CSTA: variants seen among roughly 807,000 people sequenced by gnomAD.
CSTA encodes the protein cystatin-A.
CSTA carries 9 observed loss-of-function variants against 9.2 expected under a neutral mutation model. The ratio of observed to expected loss-of-function variants is 0.97; its 90% CI spans 0.59 to 1.70. The LOEUF (loss-of-function observed/expected upper bound fraction) is 1.70, where lower values mean the gene tolerates loss of function less well. Ranked by LOEUF, CSTA falls within the 40% of genes most tolerant of loss-of-function variation. The pLI is 0.00. For synonymous variants in CSTA, 36 were observed against 40.6 expected (o/e 0.89, Z 0.43); for missense variants, 118 against 113.1 (o/e 1.04, Z -0.20).
chr3:122,341,408 T>G, intron 2 of CSTA, 31 bp from the exon 3 acceptor site: 1 of 1,612,520 alleles, frequency 6.2e-7, no homozygotes, highest in Non-Finnish European at 8.5e-7. Context: ...ATGAATCTCC[T>G]TTTGCTTTCT....
chr3:122,335,291 A>T (rs2107667591), intron 1 of CSTA, among the ~76,000 whole-genome samples: 1 of 152,092 alleles, frequency 6.6e-6, no homozygotes, highest in African/African-American at 2.4e-5. Flanking sequence ...GTTCCTTTAC[A>T]CAGCAAAAGA....
At chr3:122,340,685 T>G (rs2075261040) in intron 2 of CSTA, among the ~76,000 whole-genome samples, 1 of 152,226 alleles carries the variant, frequency 6.6e-6, no homozygotes, top group East Asian at 1.9e-4. Context: ...AAGTAGGTTC[T>G]GATATAGGTA....
chr3:122,337,464 G>A, intron 1 of CSTA, 83 bp from the exon 2 acceptor site: 1 of 883,780 alleles, frequency 1.1e-6, no homozygotes, highest in Non-Finnish European at 1.9e-6. Context: ...ACTTTTAGGA[G>A]GATGAGGTTC....
intron 2 of CSTA, among the ~76,000 whole-genome samples, chr3:122,339,520 G>A (rs763170855): frequency 2.0e-5 from 3 of 152,196 alleles, no homozygotes; most frequent in Non-Finnish European, 2.9e-5. Context: ...ACTACTGGCT[G>A]TGCTGCCTCT....
chr3:122,340,232 G>C (rs1474534271), intron 2 of CSTA, among the ~76,000 whole-genome samples: 2 of 152,012 alleles, frequency 1.3e-5, no homozygotes, highest in Non-Finnish European at 2.9e-5. Flanking sequence ...CCAGGTCTCA[G>C]ATTCATGTCC....
chr3:122,326,523 C>T (rs563126653), intron 1 of CSTA, among the ~76,000 whole-genome samples: 74 of 152,228 alleles, frequency 4.9e-4, no homozygotes, highest in African/African-American at 1.7e-3. Context: ...AAAACAAGAT[C>T]AGCTTTTTGT....
At chr3:122,331,370 C>G (rs536042414) in intron 1 of CSTA, among the ~76,000 whole-genome samples, 1 of 152,130 alleles carries the variant, frequency 6.6e-6, no homozygotes, top group Non-Finnish European at 1.5e-5. Flanking sequence ...ACCCAAAGAA[C>G]CTGTCATTCA....
intron 1 of CSTA, among the ~76,000 whole-genome samples, chr3:122,330,424 A>G (rs112999617): frequency 3.5e-4 from 54 of 152,316 alleles, no homozygotes; most frequent in African/African-American, 1.1e-3. Context: ...TCAAAGACAA[A>G]TGATAACTGC....
intron 2 of CSTA, among the ~76,000 whole-genome samples, chr3:122,340,552 C>T (rs1175080407): frequency 6.6e-6 from 1 of 152,220 alleles, no homozygotes; most frequent in Non-Finnish European, 1.5e-5. Context: ...GATCCACCCA[C>T]CTTGGCCTCC....
chr3:122,330,282 C>T (rs2075196668), intron 1 of CSTA, among the ~76,000 whole-genome samples: 2 of 152,168 alleles, frequency 1.3e-5, no homozygotes, highest in African/African-American at 2.4e-5. Flanking sequence ...GAAGTATTCT[C>T]AGAGGAGCTG....
intron 1 of CSTA, among the ~76,000 whole-genome samples, chr3:122,330,007 T>G (rs2075194963): frequency 6.6e-6 from 1 of 152,174 alleles, no homozygotes; most frequent in African/African-American, 2.4e-5. Context: ...TCTTTGTAGT[T>G]TAGGAAGCAC....
At chr3:122,338,005 G>A (rs1021578882) in intron 2 of CSTA, 7 of 208,438 alleles carry the variant, frequency 3.4e-5, no homozygotes, top group Non-Finnish European at 6.9e-5. Context: ...ATGGTATCTT[G>A]AAGCTGATTC....
intron 1 of CSTA, among the ~76,000 whole-genome samples, chr3:122,335,613 A>ATTAT (rs147927095): frequency 0.061 from 9,234 of 150,678 alleles, 577 homozygotes; most frequent in African/African-American, 0.16. Flanking sequence ...GATTTATTTT[A>ATTAT]TTATTTATTT....
chr3:122,332,357 A>G (rs1278210647), intron 1 of CSTA, among the ~76,000 whole-genome samples: 1 of 152,180 alleles, frequency 6.6e-6, no homozygotes, highest in Non-Finnish European at 1.5e-5. Flanking sequence ...CTTAGACAAT[A>G]AATGTCCACA....
Position 122,337,606 on chromosome 3 carries a change from G to A in CSTA, c.126G>A (p.Gln42=). The A allele has an allele frequency of 6.2e-7, 1 of 1,613,410 alleles. No homozygotes were observed. Among genetic ancestry groups the A allele is most frequent in the South Asian group, 1.1e-5 (1 of 91,070 alleles). ...NETYGKLEAV[Q]YKTQVVAGTN... ...CTTACGGAAAATTGGAAGCTGTGCA[G>A]TATAAAACTCAAGTTGTTGCTGGAA... The change falls in exon 2 of 3, where the codon CAG becomes CAA. Residue 42 remains glutamine, a synonymous_variant. Transcript: ENST00000264474.
Position 122,341,559 on chromosome 3 carries a change from G to C in CSTA, c.289G>C (p.Gly97Arg). The change falls in exon 3 of 3, where the codon GGC becomes CGC. Residue 97 changes from glycine (G) to arginine (R), a missense_variant. Gly to Arg is a moderately radical substitution (Grantham distance 125, BLOSUM62 -2). Transcript: ENST00000264474. ...CAAAAACAAGGATGACGAGCTGACG[G>C]GCTTTTAGCAGCATGTACCCAAAGT... Reference protein sequence around the residue: ...VDKNKDDELTGF With the variant: ...VDKNKDDELTRF 1 of 1,614,066 alleles carries C rather than the reference G, an allele frequency of 6.2e-7. No homozygotes were observed. Among genetic ancestry groups the C allele is most frequent in the African/African-American group, 1.3e-5 (1 of 75,012 alleles).
chr3:122,341,557 C>A lies in CSTA; in HGVS notation c.287C>A (p.Thr96Lys), dbSNP rs34173813. ...QVDKNKDDEL[T>K]GF ...GACAAAAACAAGGATGACGAGCTGA[C>A]GGGCTTTTAGCAGCATGTACCCAAA... Residue 96 changes from threonine (T) to lysine (K), a missense_variant, in exon 3 of 3, where the codon ACG becomes AAG. By Grantham distance (78) the Thr-to-Lys change is moderately conservative. Transcript: ENST00000264474. 1.2e-6 allele frequency: 2 copies of A among 1,614,010 alleles called. No individual in the cohort carries two copies. Among genetic ancestry groups the A allele is most frequent in the Admixed American group, 1.7e-5 (1 of 60,004 alleles).
At chr3:122,335,574 G>A (rs2075231820) in intron 1 of CSTA, among the ~76,000 whole-genome samples, 1 of 151,928 alleles carries the variant, frequency 6.6e-6, no homozygotes, top group South Asian at 2.1e-4. Context: ...TAAGGAAAAG[G>A]GAAAAGCTAA....
intron 1 of CSTA, among the ~76,000 whole-genome samples, chr3:122,326,092 C>G (rs1459014270): frequency 6.6e-6 from 1 of 152,130 alleles, no homozygotes; most frequent in East Asian, 1.9e-4. Flanking sequence ...GATCACGGCT[C>G]ACTGTAGCCT....
Sources: allele counts gnomAD v4.1 joint callset (sites outside exome capture counted in the v4.1 genomes callset), GRCh38; gene constraint gnomAD v4.1.1; transcripts MANE v1.5; gene names NCBI Gene and HGNC (gene_info 2026-07-23, HGNC 2026-07-21).